The following PDS5A variants were observed in gnomAD, a reference collection of about 807,000 sequenced individuals.
PDS5A encodes sister chromatid cohesion protein PDS5 homolog A.
PDS5A carries 42 observed loss-of-function variants against 167.1 expected under a neutral mutation model. That is an observed-to-expected ratio of 0.25 (90% CI 0.20 to 0.33). The LOEUF (loss-of-function observed/expected upper bound fraction) is 0.33. Among genes scored for constraint, PDS5A ranks in the 10% least tolerant of loss-of-function variants. The pLI is 1.00. For missense variants in PDS5A, 1,033 were observed against 1,605.9 expected (o/e 0.64, Z 6.10); for synonymous variants, 553 against 554.6 (o/e 1.00, Z 0.04).
chr4:39,875,928 T>C (rs1338780352), intron 19 of PDS5A, among the ~76,000 whole-genome samples: 2 of 152,092 alleles, frequency 1.3e-5, no homozygotes, highest in African/African-American at 4.8e-5. Context: ...TTGTTTTTTC[T>C]AGAGCAGTAT....
chr4:39,930,678 T>C lies in PDS5A; in HGVS notation c.139-2514A>G, dbSNP rs550892210. On this transcript the variant is annotated intron_variant, in intron 2 of 32. Coordinates refer to ENST00000303538, the MANE Select transcript of PDS5A (RefSeq NM_001100399.2). The stretch of plus-strand genomic sequence containing the variant: ...CGTATCAGGTTTTAGTACTAAATTA[T>C]ACTGGCTTGAAACAAAATAAGCAGT... 3.7e-4 allele frequency among the ~76,000 whole-genome samples: 56 copies of C among 152,310 alleles called. No homozygotes were observed. In the South Asian group the frequency reaches 0.011, roughly 31 times the overall value.
intron 21 of PDS5A, chr4:39,872,729 C>T (rs1720156507): frequency 3.9e-6 from 1 of 254,232 alleles, no homozygotes; most frequent in Non-Finnish European, 7.4e-6. Context: ...AGGAAAATAG[C>T]TTTTACTTAT....
At chr4:39,847,329 G>A (rs1717696858) in intron 28 of PDS5A, 3 of 152,142 alleles carry the variant, frequency 2.0e-5, no homozygotes, top group Admixed American at 2.0e-4. Flanking sequence ...TATCTTATAG[G>A]CTGGGCATGG....
chr4:39,975,388 C>T (rs1730992873), intron 2 of PDS5A, among the ~76,000 whole-genome samples: 1 of 152,194 alleles, frequency 6.6e-6, no homozygotes, highest in Non-Finnish European at 1.5e-5. Context: ...GGTACATTTA[C>T]TGGGCTCCAA....
chr4:39,849,256 C>A (rs1717905133), intron 27 of PDS5A, among the ~76,000 whole-genome samples: 1 of 152,122 alleles, frequency 6.6e-6, no homozygotes, highest in African/African-American at 2.4e-5. Context: ...GTAACTCTTA[C>A]TGTAAGTTCG....
intron 6 of PDS5A, among the ~76,000 whole-genome samples, chr4:39,921,144 T>C (rs1724921115): frequency 6.6e-6 from 1 of 152,154 alleles, no homozygotes; most frequent in Non-Finnish European, 1.5e-5. Context: ...ACTTTTTCTA[T>C]GAAGGGCCAC....
In PDS5A at chr4:39,838,018, G is replaced by A. The variant is rs1716590609; in HGVS notation, c.3848C>T (p.Thr1283Ile). Residue 1283 changes from threonine (T) to isoleucine (I), a missense_variant, in exon 32 of 33, where the codon ACC (threonine) becomes ATC (isoleucine). Physicochemically the swap from Thr to Ile is moderately conservative, Grantham distance 89. Coordinates refer to ENST00000303538, the MANE Select transcript of PDS5A (RefSeq NM_001100399.2). Reference sequence around the variant, plus strand: ...AGGTTTATTTAGATCATCATTTTTGGTAGCATTGCCCTGAGATTCAGACTT... The same window carrying A: ...AGGTTTATTTAGATCATCATTTTTGATAGCATTGCCCTGAGATTCAGACTT... The part of the protein sequence containing the change: ...RPKSESQGNA[T>I]KNDDLNKPIN... 1.9e-6 allele frequency: 3 copies of A among 1,613,804 alleles called. No individual in the cohort carries two copies. In the South Asian group the frequency reaches 3.3e-5, roughly 18 times the overall value.
At chr4:39,877,894 C>CA (rs1434765595) in intron 18 of PDS5A, among the ~76,000 whole-genome samples, 2 of 151,182 alleles carry the variant, frequency 1.3e-5, no homozygotes, top group African/African-American at 4.9e-5. Context: ...TGTACCCAGC[C>CA]AAAAAAATAT....
At chr4:39,913,791 A>G in intron 8 of PDS5A, 65 bp from the exon 9 acceptor site, 4 of 863,056 alleles carry the variant, frequency 4.6e-6, no homozygotes, top group South Asian at 1.3e-5. Context: ...AATATCTTGA[A>G]ACATTCTCAA....
chr4:39,922,749 C>G lies in PDS5A; in HGVS notation c.528-1G>C. 7.8e-7 allele frequency: 1 copy of G among 1,289,344 alleles called. No homozygotes were observed. Among genetic ancestry groups the G allele is most frequent in the East Asian group, 2.9e-5 (1 of 34,878 alleles). 79.9% of individuals were successfully genotyped at this position (1,289,344 alleles called of 1,614,324 possible). Reference sequence around the variant, plus strand: ...TTGTACCTTCTTATTGTGGCTATTGCTATAAAAAAAAAAAAAAAAGAATAA... The same window carrying G: ...TTGTACCTTCTTATTGTGGCTATTGGTATAAAAAAAAAAAAAAAAGAATAA... On this transcript the variant is annotated splice_acceptor_variant, in intron 5 of 32. Coordinates refer to ENST00000303538, the MANE Select transcript of PDS5A (RefSeq NM_001100399.2). LOFTEE classifies it high-confidence loss of function.
At chr4:39,873,949 C>A (rs905245370) in intron 20 of PDS5A, among the ~76,000 whole-genome samples, 3 of 152,118 alleles carry the variant, frequency 2.0e-5, no homozygotes, top group Non-Finnish European at 4.4e-5. Flanking sequence ...GAGGCTGAGG[C>A]AGAAGGACTG....
chr4:39,853,100 A>G (rs939359225), intron 26 of PDS5A, among the ~76,000 whole-genome samples: 12 of 152,152 alleles, frequency 7.9e-5, no homozygotes, highest in Non-Finnish European at 1.8e-4. Flanking sequence ...TACAACACCA[A>G]GCCAATTCAA....
At chr4:39,853,772 T>C (rs17619024) in intron 26 of PDS5A, among the ~76,000 whole-genome samples, 25,053 of 152,148 alleles carry the variant, frequency 0.16, 2,183 homozygotes, top group East Asian at 0.3. Flanking sequence ...TCATAGCCAA[T>C]TTTTAAAAAA....
intron 28 of PDS5A, chr4:39,847,726 T>C (rs377216859): frequency 6.6e-6 from 1 of 152,190 alleles, no homozygotes; most frequent in Non-Finnish European, 1.5e-5. Flanking sequence ...AAAATCAGAT[T>C]ACATTTTAGC....
intron 2 of PDS5A, among the ~76,000 whole-genome samples, chr4:39,959,716 A>G (rs561715769): frequency 7.9e-5 from 12 of 152,266 alleles, no homozygotes; most frequent in East Asian, 7.7e-4. Flanking sequence ...ATACATTGGG[A>G]GACCGAGGCA....
intron 2 of PDS5A, among the ~76,000 whole-genome samples, chr4:39,939,766 C>T (rs1036099000): frequency 5.3e-5 from 8 of 152,096 alleles, no homozygotes; most frequent in African/African-American, 1.9e-4. Context: ...CACTGCACTC[C>T]AGCCTGGACA....
chr4:39,839,862 A>G (rs1213798768), intron 31 of PDS5A, among the ~76,000 whole-genome samples: 4 of 151,848 alleles, frequency 2.6e-5, no homozygotes, highest in South Asian at 2.1e-4. Flanking sequence ...TTGGGAGGCC[A>G]AGGTGGGCGA....
At chr4:39,945,162 A>C (rs569654256) in intron 2 of PDS5A, among the ~76,000 whole-genome samples, 8 of 152,192 alleles carry the variant, frequency 5.3e-5, no homozygotes, top group Non-Finnish European at 1.2e-4. Context: ...CAAGGGCATA[A>C]AAATCTAAAT....
At chr4:39,961,982 T>G (rs923804760) in intron 2 of PDS5A, among the ~76,000 whole-genome samples, 2 of 152,208 alleles carry the variant, frequency 1.3e-5, no homozygotes, top group Non-Finnish European at 2.9e-5. Flanking sequence ...CAACATTATT[T>G]CTGTTATTAA....
Sources: gnomAD v4.1 joint callset for allele counts (sites outside exome capture counted in the v4.1 genomes callset) on GRCh38, gnomAD v4.1.1 for gene constraint, MANE v1.5 for transcripts, NCBI Gene and HGNC (gene_info 2026-07-23, HGNC 2026-07-21) for gene names.